The following SOHLH2 variants were observed in gnomAD, a reference collection of about 807,000 sequenced individuals.
SOHLH2 encodes the protein spermatogenesis- and oogenesis-specific basic helix-loop-helix-containing protein 2.
SOHLH2 carries 22 observed loss-of-function variants against 50.4 expected under a neutral mutation model. The ratio of observed to expected loss-of-function variants is 0.44; its 90% CI spans 0.31 to 0.62. The LOEUF is 0.62. SOHLH2 is among the 20% of genes least tolerant of loss of function. The pLI is 0.08. For missense variants in SOHLH2, 412 were observed against 504.4 expected (o/e 0.82, Z 1.76); for synonymous variants, 185 against 187.3 (o/e 0.99, Z 0.10).
intron 4 of SOHLH2, among the ~76,000 whole-genome samples, chr13:36,193,227 A>G (rs1173268190): frequency 1.3e-5 from 2 of 152,240 alleles, no homozygotes; most frequent in Non-Finnish European, 2.9e-5. Context: ...TTAAGAAGTA[A>G]AATAATTTCT....
intron 6 of SOHLH2, among the ~76,000 whole-genome samples, chr13:36,175,265 A>T (rs932982201): frequency 2.6e-5 from 4 of 152,176 alleles, no homozygotes; most frequent in Non-Finnish European, 4.4e-5. Context: ...ATGATATAAA[A>T]ATCCTTTTGC....
intron 6 of SOHLH2, among the ~76,000 whole-genome samples, chr13:36,175,803 G>A (rs994556275): frequency 6.6e-6 from 1 of 152,024 alleles, no homozygotes; most frequent in Non-Finnish European, 1.5e-5. Flanking sequence ...AGGAACTCTG[G>A]GGGCTCTGCG....
intron 1 of SOHLH2, among the ~76,000 whole-genome samples, chr13:36,206,054 TA>T (rs1868741959): frequency 6.6e-6 from 1 of 152,020 alleles, no homozygotes; most frequent in African/African-American, 2.4e-5. Flanking sequence ...TATAAATGTT[TA>T]TTTTTTTCTT....
intron 5 of SOHLH2, among the ~76,000 whole-genome samples, chr13:36,191,225 G>A (rs1008995738): frequency 4.6e-5 from 7 of 152,174 alleles, no homozygotes; most frequent in Admixed American, 3.9e-4. Context: ...GAGAGAGACA[G>A]AGAAACACAA....
chr13:36,191,752 T>A, intron 5 of SOHLH2, 43 bp downstream of exon 5: 1 of 1,610,110 alleles, frequency 6.2e-7, no homozygotes, highest in Non-Finnish European at 8.5e-7. Context: ...ATCAATAAGT[T>A]CTCTAAAAAT....
chr13:36,213,498 G>C (rs1364349596), intron 1 of SOHLH2, among the ~76,000 whole-genome samples: 3 of 152,170 alleles, frequency 2.0e-5, no homozygotes, highest in Non-Finnish European at 4.4e-5. Context: ...TATTTATCAA[G>C]ATGCGGAAAA....
rs910353209 is a variant in SOHLH2, at chr13:36,173,700, G to T, written c.992C>A (p.Ala331Asp). 6.2e-7 allele frequency: 1 copy of T among 1,612,974 alleles called. No homozygotes were observed. The highest frequency in any genetic ancestry group is 1.3e-5 in the African/African-American group (1 of 75,028). ...TPDAESSLDEAVRVPSSSASE... is the reference protein window; with the variant it reads ...TPDAESSLDEDVRVPSSSASE... ...TGCTAGGAGAAGCTCACCTCTCACAGCTTCATCCAAGGAGCTCTCTGCATC... is the reference window on the plus strand; with the variant it reads ...TGCTAGGAGAAGCTCACCTCTCACATCTTCATCCAAGGAGCTCTCTGCATC... The change falls in exon 9 of 11, where the codon GCT becomes GAT. Residue 331 changes from alanine (A) to aspartate (D), a missense_variant. Physicochemically the swap from Ala to Asp is moderately radical, Grantham distance 126. Coordinates refer to ENST00000379881, the MANE Select transcript of SOHLH2 (RefSeq NM_017826.3).
chr13:36,184,356 C>T (rs1042237332), intron 6 of SOHLH2, among the ~76,000 whole-genome samples: 5 of 151,150 alleles, frequency 3.3e-5, no homozygotes, highest in Non-Finnish European at 5.9e-5. Flanking sequence ...TGAAGCAATG[C>T]TTAGAGAAAA....
chr13:36,184,906 G>A (rs1421713843), intron 6 of SOHLH2, among the ~76,000 whole-genome samples: 1 of 151,964 alleles, frequency 6.6e-6, no homozygotes, highest in African/African-American at 2.4e-5. Flanking sequence ...TTGTCCTAAT[G>A]CTCTCCCTCC....
chr13:36,184,479 T>TTTTTTTTTTTTTTTTTTTTTTTTTTG, intron 6 of SOHLH2, among the ~76,000 whole-genome samples: 1 of 146,642 alleles, frequency 6.8e-6, no homozygotes. Flanking sequence ...TTTTTTTTTT[T>TTTTTTTTTTTTTTTTTTTTTTTTTTG]GAGACGGAGT....
chr13:36,199,073 C>T lies in SOHLH2; in HGVS notation c.263+2806G>A, dbSNP rs977443858. On this transcript the variant is annotated intron_variant, in intron 2 of 10. Transcript: ENST00000379881. Reference sequence around the variant, plus strand: ...TTTGGTTTAGTCATTAAATATTAGCCCAAACTCAAAAGATGTAGTGCTTTA... The same window carrying T: ...TTTGGTTTAGTCATTAAATATTAGCTCAAACTCAAAAGATGTAGTGCTTTA... Among the ~76,000 whole-genome samples, 5 of 152,024 alleles carry T rather than the reference C, an allele frequency of 3.3e-5. 1 individual carries two copies. In the South Asian group the frequency reaches 1.0e-3, roughly 31 times the overall value.
At chr13:36,174,397 GT>G in intron 8 of SOHLH2, 78 bp downstream of exon 8, 1 of 1,580,664 alleles carries the variant, frequency 6.3e-7, no homozygotes, top group Non-Finnish European at 8.6e-7. Context: ...GTGGATAGCA[GT>G]TTTTGTGTAC....
At position 36,201,628 on chromosome 13, in the gene SOHLH2, G is replaced by A. The variant is rs112588576; in HGVS notation, c.263+251C>T. On this transcript the variant is annotated intron_variant, in intron 2 of 10. Coordinates refer to ENST00000379881, the MANE Select transcript of SOHLH2 (RefSeq NM_017826.3). ...ACTATAGGTGCATGTCACCATGCCC[G>A]GCTAATTTTTTAAAATTTTTTGTAG... 1.0e-3 allele frequency among the ~76,000 whole-genome samples: 158 copies of A among 152,030 alleles called. 1 individual carries two copies. Among genetic ancestry groups the A allele is most frequent in the African/African-American group, 3.6e-3 (149 of 41,496 alleles).
At chr13:36,176,880 C>A (rs1281630718) in intron 6 of SOHLH2, among the ~76,000 whole-genome samples, 1 of 152,044 alleles carries the variant, frequency 6.6e-6, no homozygotes. Flanking sequence ...CTAAATGTAT[C>A]AGTAGCTCAA....
chr13:36,212,980 T>A (rs1256214669), intron 1 of SOHLH2, among the ~76,000 whole-genome samples: 1 of 152,238 alleles, frequency 6.6e-6, no homozygotes, highest in Non-Finnish European at 1.5e-5. Flanking sequence ...AAATCACTCC[T>A]ACATTTTAGT....
intron 6 of SOHLH2, among the ~76,000 whole-genome samples, chr13:36,188,063 C>T (rs78518801): frequency 0.034 from 5,216 of 152,224 alleles, 106 homozygotes; most frequent in South Asian, 0.1. Context: ...AACTACTCTG[C>T]TGGAAAGGCT....
chr13:36,204,112 G>A (rs1456126690), intron 1 of SOHLH2, among the ~76,000 whole-genome samples: 1 of 151,284 alleles, frequency 6.6e-6, no homozygotes, highest in Non-Finnish European at 1.5e-5. Context: ...CACCATGCCT[G>A]GCTGATTTTT....
intron 6 of SOHLH2, among the ~76,000 whole-genome samples, chr13:36,185,008 G>A (rs929343404): frequency 2.0e-5 from 3 of 152,016 alleles, no homozygotes; most frequent in Non-Finnish European, 2.9e-5. Context: ...ACTTATGAGT[G>A]AGACCATGCG....
intron 6 of SOHLH2, among the ~76,000 whole-genome samples, chr13:36,178,608 T>A (rs1887155520): frequency 6.6e-6 from 1 of 152,162 alleles, no homozygotes; most frequent in Non-Finnish European, 1.5e-5. Context: ...TAAGTCCTTT[T>A]CATACATTGT....
Sources: gnomAD v4.1 joint callset for allele counts (sites outside exome capture counted in the v4.1 genomes callset) on GRCh38, gnomAD v4.1.1 for gene constraint, MANE v1.5 for transcripts, NCBI Gene and HGNC (gene_info 2026-07-23, HGNC 2026-07-21) for gene names.